EDIL3: variants seen among roughly 807,000 people sequenced by gnomAD.
EDIL3 encodes EGF-like repeat and discoidin I-like domain-containing protein 3.
Under a neutral mutation model 67.4 loss-of-function variants are expected in EDIL3, and 37 were observed. The ratio of observed to expected loss-of-function variants is 0.55; its 90% CI spans 0.42 to 0.72. EDIL3 has a LOEUF of 0.72. EDIL3 is among the 30% of genes least tolerant of loss of function. EDIL3 has a pLI of 0.00. For missense variants in EDIL3, 527 were observed against 586.3 expected (o/e 0.90, Z 1.04); for synonymous variants, 195 against 196.3 (o/e 0.99, Z 0.05).
intron 9 of EDIL3, among the ~76,000 whole-genome samples, chr5:84,000,751 T>C (rs1458592918): frequency 2.6e-5 from 4 of 151,958 alleles, no homozygotes; most frequent in African/African-American, 9.7e-5. Flanking sequence ...ACTGAACAAA[T>C]TGAAATCATT....
intron 5 of EDIL3, among the ~76,000 whole-genome samples, chr5:84,112,621 G>A (rs348897): frequency 0.75 from 113,309 of 151,968 alleles, 42,374 homozygotes; most frequent in African/African-American, 0.77. Flanking sequence ...TCTCATATCA[G>A]TCAGGCTGCA....
At chr5:84,322,842 G>T (rs774491595) in intron 1 of EDIL3, among the ~76,000 whole-genome samples, 3 of 151,844 alleles carry the variant, frequency 2.0e-5, no homozygotes, top group Non-Finnish European at 4.4e-5. Context: ...CACGTACAAG[G>T]GATTCTCAAT....
chr5:84,340,745 T>C (rs2112177109), intron 1 of EDIL3, among the ~76,000 whole-genome samples: 1 of 151,848 alleles, frequency 6.6e-6, no homozygotes, highest in East Asian at 1.9e-4. Flanking sequence ...CTCCAGTCTT[T>C]CCATTGCCAG....
At chr5:84,002,009 T>C (rs927964857) in intron 9 of EDIL3, among the ~76,000 whole-genome samples, 9 of 151,946 alleles carry the variant, frequency 5.9e-5, no homozygotes, top group Non-Finnish European at 1.2e-4. Context: ...CCAATATCTC[T>C]GGTGAACTGA....
intron 2 of EDIL3, among the ~76,000 whole-genome samples, chr5:84,230,863 A>C (rs1408136013): frequency 6.6e-6 from 1 of 150,992 alleles, no homozygotes; most frequent in Non-Finnish European, 1.5e-5. Flanking sequence ...TGTGGTAAGG[A>C]CACCGGAACC....
chr5:84,384,275 C>T (rs202067531), intron 1 of EDIL3, 33 bp downstream of exon 1: 2 of 1,602,454 alleles, frequency 1.2e-6, no homozygotes, highest in East Asian at 4.6e-5. Context: ...CCAGCCCATC[C>T]CTCACCCAGC....
intron 10 of EDIL3, among the ~76,000 whole-genome samples, chr5:83,954,874 A>T (rs1417220047): frequency 5.9e-5 from 9 of 151,792 alleles, no homozygotes; most frequent in Admixed American, 1.3e-4. Context: ...CTCTCAGCTA[A>T]CATCTCCTGC....
At position 84,262,659 on chromosome 5, in the gene EDIL3, G is replaced by GTTT. The variant is rs773035274; in HGVS notation, c.68-8450_68-8448dup. Among the ~76,000 whole-genome samples the GTTT allele has an allele frequency of 9.7e-3, 449 of 46,226 alleles. 98 individuals are homozygous for GTTT. Among genetic ancestry groups the GTTT allele is most frequent in the Admixed American group, 0.017 (39 of 2,254 alleles). The allele number at this position is 46,226 out of a possible 152,430, so 30.3% of individuals were successfully genotyped here. A position where few individuals can be genotyped will look rare whatever the true frequency, so the allele number is the denominator to read the frequency against. ...AAACTACAATTCCCAAGGTTGGTTG[G>GTTT]TTTTTTTTTTTTTTTTTTTTTTTTT... is the stretch of plus-strand genomic sequence containing the variant. On this transcript the variant is annotated intron_variant, in intron 1 of 10. Coordinates refer to ENST00000296591, the MANE Select transcript of EDIL3 (RefSeq NM_005711.5).
Position 84,060,460 on chromosome 5 carries a change from T to C in EDIL3, c.977A>G (p.Lys326Arg). The change falls in exon 9 of 11, where the codon AAA (lysine) becomes AGA (arginine). Residue 326 changes from lysine to arginine, a missense_variant. Physicochemically the swap from Lys to Arg is conservative, Grantham distance 26. Transcript: ENST00000296591. ...LSGCSEPLGMKSGHIQDYQIT... is the reference protein window; with the variant it reads ...LSGCSEPLGMRSGHIQDYQIT... Reference sequence around the variant, plus strand: ...CTGATAGTCTTGTATATGTCCTGATTTCATACCCAGAGGCTCAGAACAACC... The same window carrying C: ...CTGATAGTCTTGTATATGTCCTGATCTCATACCCAGAGGCTCAGAACAACC... The C allele has an allele frequency of 6.2e-7, 1 of 1,613,648 alleles. No homozygotes were observed. Among genetic ancestry groups the C allele is most frequent in the Non-Finnish European group, 8.5e-7 (1 of 1,179,768 alleles).
chr5:84,137,414 G>T (rs1748113079), intron 4 of EDIL3, 60 bp from the exon 5 acceptor site: 5 of 1,462,094 alleles, frequency 3.4e-6, no homozygotes, highest in Non-Finnish European at 4.7e-6. Flanking sequence ...TTAGATATTG[G>T]AAAGTTTTAA....
chr5:84,324,378 C>T (rs1016633955), intron 1 of EDIL3, among the ~76,000 whole-genome samples: 8 of 151,600 alleles, frequency 5.3e-5, no homozygotes, highest in Non-Finnish European at 8.9e-5. Flanking sequence ...TGAATAAAAA[C>T]GAAATCACAC....
chr5:83,999,033 G>A (rs1218190791), intron 9 of EDIL3, among the ~76,000 whole-genome samples: 3 of 152,130 alleles, frequency 2.0e-5, no homozygotes, highest in Non-Finnish European at 2.9e-5. Context: ...GACCATCAAG[G>A]TGGTACCTCT....
chr5:84,070,606 AGTGTGTGTGTGTGTGT>A lies in EDIL3; in HGVS notation c.652-4016_652-4001del, dbSNP rs35930293. On this transcript the variant is annotated intron_variant, in intron 6 of 10. Transcript: ENST00000296591. ...GACATTTAGGGCTACTATGGTTAAG[AGTGTGTGTGTGTGTGT>A]GTGTGTGTGTGTGTGTGTGTGTGTG... Among the ~76,000 whole-genome samples, 1,091 of 144,736 alleles carry A rather than the reference AGTGTGTGTGTGTGTGT, an allele frequency of 7.5e-3. 16 individuals are homozygous for A. Among genetic ancestry groups the A allele is most frequent in the African/African-American group, 0.027 (1,042 of 38,892 alleles). The allele number at this position is 144,736 out of a possible 152,430, so 95.0% of individuals were successfully genotyped here.
At chr5:84,262,313 G>A (rs1745239328) in intron 1 of EDIL3, among the ~76,000 whole-genome samples, 2 of 152,112 alleles carry the variant, frequency 1.3e-5, no homozygotes. Context: ...AGAAGAAGGA[G>A]AAAGGAATAG....
chr5:84,252,493 C>CAAAAAAAAAAAAAAAAAAGA (rs1745042522), intron 2 of EDIL3, among the ~76,000 whole-genome samples: 1 of 28,944 alleles, frequency 3.5e-5, no homozygotes, highest in African/African-American at 1.4e-4. Flanking sequence ...GACTCCGTCT[C>CAAAAAAAAAAAAAAAAAAGA]AAAAAAAAAA....
At chr5:84,158,772 A>T (rs1022674230) in intron 4 of EDIL3, among the ~76,000 whole-genome samples, 1 of 152,018 alleles carries the variant, frequency 6.6e-6, no homozygotes, top group Non-Finnish European at 1.5e-5. Flanking sequence ...AAAAAACAAA[A>T]CCTGTATTTG....
At chr5:84,151,411 T>G (rs1748387669) in intron 4 of EDIL3, among the ~76,000 whole-genome samples, 1 of 152,038 alleles carries the variant, frequency 6.6e-6, no homozygotes, top group South Asian at 2.1e-4. Flanking sequence ...GTGAGAACCA[T>G]GCAGTCCAAA....
At chr5:84,153,694 C>T (rs951315377) in intron 4 of EDIL3, among the ~76,000 whole-genome samples, 3 of 152,142 alleles carry the variant, frequency 2.0e-5, no homozygotes, top group African/African-American at 7.2e-5. Context: ...AGCTCCTGAC[C>T]TCAGGAGGTC....
chr5:83,959,545 A>G (rs2112125902), intron 10 of EDIL3, among the ~76,000 whole-genome samples: 1 of 151,148 alleles, frequency 6.6e-6, no homozygotes, highest in South Asian at 2.1e-4. Flanking sequence ...TCACAGACAC[A>G]TGTTTTGCCC....
Sources: allele counts gnomAD v4.1 joint callset (sites outside exome capture counted in the v4.1 genomes callset), GRCh38; gene constraint gnomAD v4.1.1; transcripts MANE v1.5; gene names NCBI Gene and HGNC (gene_info 2026-07-23, HGNC 2026-07-21).